Variants in DRG1 observed in about 807,000 individuals in gnomAD.
The protein encoded by DRG1 is developmentally regulated GTP binding protein 1.
Under a neutral mutation model 38.8 loss-of-function variants are expected in DRG1, and 19 were observed. That is an observed-to-expected ratio of 0.49 (90% confidence interval 0.34 to 0.72). The LOEUF (loss-of-function observed/expected upper bound fraction) is 0.72, where lower values mean the gene tolerates loss of function less well. Ranked by LOEUF, DRG1 falls within the 30% of genes least tolerant of loss-of-function variation. DRG1 has a pLI of 0.01. For missense variants in DRG1, 299 were observed against 444.8 expected (o/e 0.67, Z 2.95); for synonymous variants, 167 against 157.5 (o/e 1.06, Z -0.45).
chr22:31,430,500 C>T (rs1035035490), intron 8 of DRG1, among the ~76,000 whole-genome samples: 9 of 151,216 alleles, frequency 6.0e-5, no homozygotes, highest in Admixed American at 4.6e-4. Flanking sequence ...CCCGGGTTCA[C>T]GCCATTCTCC....
chr22:31,427,567 G>GA (rs367566004), intron 8 of DRG1, among the ~76,000 whole-genome samples: 3 of 151,832 alleles, frequency 2.0e-5, no homozygotes, highest in Non-Finnish European at 2.9e-5. Context: ...GACACAGGCT[G>GA]AAAAAAAATT....
chr22:31,411,551 A>T (rs2050018245), intron 4 of DRG1, among the ~76,000 whole-genome samples: 2 of 118,862 alleles, frequency 1.7e-5, no homozygotes, highest in African/African-American at 3.0e-5. Flanking sequence ...TTTTTTTGGG[A>T]CAGTGGCTCA....
chr22:31,411,127 T>G, intron 4 of DRG1, 46 bp downstream of exon 4: 1 of 1,594,344 alleles, frequency 6.3e-7, no homozygotes, highest in Non-Finnish European at 8.6e-7. Context: ...TTCCCTTCTC[T>G]GGTACTATTC....
rs2049956319 is a variant in DRG1 at position 31,400,734 on chromosome 22, C to G, written c.157C>G (p.Pro53Ala). The G allele has an allele frequency of 1.2e-6, 2 of 1,612,354 alleles. No individual in the cohort carries two copies. Among genetic ancestry groups the G allele is most frequent in the Non-Finnish European group, 1.7e-6 (2 of 1,179,088 alleles). Reference sequence around the variant, plus strand: ...TCCAAAGGGTGGTGGTGGTGGAGGTCCAGGAGAAGGTTTGTGTTCTTCTTC... The same window carrying G: ...TCCAAAGGGTGGTGGTGGTGGAGGTGCAGGAGAAGGTTTGTGTTCTTCTTC... Reference protein sequence around the residue: ...ITPKGGGGGGPGEGFDVAKTG... With the variant: ...ITPKGGGGGGAGEGFDVAKTG... The change falls in exon 2 of 9, where the codon CCA (proline) becomes GCA (alanine). Residue 53 changes from proline to alanine, a missense_variant. By Grantham distance (27) the Pro-to-Ala change is conservative. Around this residue, in one of 3 missense-constraint regions of DRG1, gnomAD observed 50 missense variants for 120.6 expected, o/e 0.41. Transcript: ENST00000331457.
intron 5 of DRG1, among the ~76,000 whole-genome samples, chr22:31,421,102 T>C (rs561673959): frequency 6.6e-6 from 1 of 152,172 alleles, no homozygotes; most frequent in East Asian, 1.9e-4. Flanking sequence ...GTATTTTTAG[T>C]AGAGACGGGG....
Position 31,399,618 on chromosome 22 carries a change from G to T in DRG1, c.-66G>T, listed in dbSNP as rs368688522. ...CTGCGTGCTGCAGTAGCGCCTGGTG[G>T]CGGTGGCAGTTTGCCCGCGGGTGTG... is the stretch of plus-strand genomic sequence containing the variant. On this transcript the variant is annotated 5_prime_UTR_variant, in exon 1 of 9. Transcript: ENST00000331457. The T allele has an allele frequency of 4.2e-4, 679 of 1,609,062 alleles. 8 individuals are homozygous for T. The East Asian group carries it at 0.013, about 30-fold the overall frequency.
chr22:31,432,729 T>G (rs868200814), intron 8 of DRG1, among the ~76,000 whole-genome samples: 81 of 151,618 alleles, frequency 5.3e-4, no homozygotes, highest in African/African-American at 1.8e-3. Context: ...CTGGCCTAAT[T>G]TTTGTATTTT....
In DRG1 at chr22:31,420,177, A is replaced by G. The variant is rs695768; in HGVS notation, c.413-79A>G. 1.7e-3 allele frequency: 2,622 copies of G among 1,509,638 alleles called. 42 individuals carry two copies. In the African/African-American group the frequency reaches 0.034, roughly 19 times the overall value. The allele number at this position is 1,509,638 out of a possible 1,614,324, so 93.5% of individuals were successfully genotyped here. On this transcript the variant is annotated intron_variant, in intron 4 of 8. Coordinates refer to ENST00000331457, the MANE Select transcript of DRG1 (RefSeq NM_004147.4). ...CTTTGACACTTAAATGTAGGGGGAA[A>G]AAACACCTCTACTTGAGTATTTGGG...
chr22:31,423,202 G>C, intron 5 of DRG1, 78 bp from the exon 6 acceptor site: 1 of 1,564,318 alleles, frequency 6.4e-7, no homozygotes, highest in Non-Finnish European at 8.7e-7. Context: ...GAATTTTCCA[G>C]GTACATGGAT....
chr22:31,426,869 C>G, intron 7 of DRG1, 87 bp downstream of exon 7: 3 of 1,532,896 alleles, frequency 2.0e-6, no homozygotes, highest in South Asian at 2.5e-5. Context: ...TTAACAAAAT[C>G]TGGCTCTTTT....
At chr22:31,409,509 C>A (rs565424843) in intron 3 of DRG1, among the ~76,000 whole-genome samples, 1 of 152,114 alleles carries the variant, frequency 6.6e-6, no homozygotes, top group Non-Finnish European at 1.5e-5. Flanking sequence ...CAGCTCTCTA[C>A]ATTTTAAAAG....
intron 1 of DRG1, 85 bp from the exon 2 acceptor site, chr22:31,400,535 A>G: frequency 6.4e-7 from 1 of 1,555,890 alleles, no homozygotes; most frequent in Non-Finnish European, 8.8e-7. Flanking sequence ...TAACATTAGT[A>G]GGACTTGGGG....
intron 4 of DRG1, among the ~76,000 whole-genome samples, chr22:31,419,000 A>T (rs577139109): frequency 6.6e-6 from 1 of 152,074 alleles, no homozygotes; most frequent in South Asian, 2.1e-4. Flanking sequence ...TTTTTAGCAG[A>T]GACAGGGTTT....
intron 8 of DRG1, among the ~76,000 whole-genome samples, chr22:31,429,115 G>T (rs1483125391): frequency 6.6e-6 from 1 of 151,734 alleles, no homozygotes; most frequent in African/African-American, 2.4e-5. Flanking sequence ...GCATCTACTG[G>T]TGAGGCTTGT....
Position 31,423,327 on chromosome 22 carries a change from T to C in DRG1, c.630T>C (p.Ala210=), listed in dbSNP as rs1212366167. 3 of 1,614,124 alleles carry C rather than the reference T, an allele frequency of 1.9e-6. No individual in the cohort carries two copies. The highest frequency in any genetic ancestry group is 8.5e-7 in the Non-Finnish European group (1 of 1,180,038). ...LDAETVKSIL[A]EYKIHNADVT... is the part of the protein sequence containing the mutation. ...CTGAAACTGTGAAGAGCATTCTGGC[T>C]GAATACAAGATTCATAATGCCGATG... The change falls in exon 6 of 9, where the codon GCT becomes GCC. Residue 210 remains alanine, a synonymous_variant. Coordinates refer to ENST00000331457, the MANE Select transcript of DRG1 (RefSeq NM_004147.4).
chr22:31,407,655 GT>G (rs898535853), intron 3 of DRG1, among the ~76,000 whole-genome samples: 4 of 143,690 alleles, frequency 2.8e-5, no homozygotes, highest in African/African-American at 1.0e-4. Context: ...TCTTTTGTTT[GT>G]TTTATTTTTA....
chr22:31,424,095 CT>C (rs555882824), intron 6 of DRG1, among the ~76,000 whole-genome samples: 133 of 151,738 alleles, frequency 8.8e-4, no homozygotes, highest in Non-Finnish European at 1.7e-3. Context: ...AACTCCTGAC[CT>C]CAGGTGATCC....
At chr22:31,409,390 G>A (rs752351020) in intron 3 of DRG1, among the ~76,000 whole-genome samples, 37 of 152,160 alleles carry the variant, frequency 2.4e-4, no homozygotes, top group Non-Finnish European at 5.4e-4. Flanking sequence ...GGCCCAGCCT[G>A]AGCAGTCATT....
chr22:31,433,798 G>T, intron 8 of DRG1, 74 bp from the exon 9 acceptor site: 4 of 1,325,132 alleles, frequency 3.0e-6, no homozygotes, highest in Non-Finnish European at 4.3e-6. Flanking sequence ...CTGAGCAGAA[G>T]GGTGGCATCC....
Sources: gnomAD v4.1 joint callset for allele counts (sites outside exome capture counted in the v4.1 genomes callset) on GRCh38, gnomAD v4.1.1 for gene constraint, gnomAD v4.1.1 regional missense constraint, MANE v1.5 for transcripts, NCBI Gene and HGNC (gene_info 2026-07-23, HGNC 2026-07-21) for gene names.